The following WDHD1 variants were observed in gnomAD, a reference collection of about 807,000 sequenced individuals.
WDHD1 encodes WD repeat and HMG-box DNA-binding protein 1.
In WDHD1, 111 loss-of-function variants were observed where a neutral mutation model predicts 135.4. That is an observed-to-expected ratio of 0.82 (90% CI 0.70 to 0.96). The LOEUF is 0.96. Ranked by LOEUF, WDHD1 falls within the 40% of genes least tolerant of loss-of-function variation. The pLI is 0.00. For synonymous variants in WDHD1, 434 were observed against 439.0 expected, an observed-to-expected ratio of 0.99 and a Z score of 0.14; for missense variants, 1,351 against 1,336.3, an observed-to-expected ratio of 1.01 and a Z score of -0.17.
intron 4 of WDHD1, among the ~76,000 whole-genome samples, chr14:55,009,869 G>A (rs1402874982): frequency 6.6e-6 from 1 of 151,798 alleles, no homozygotes; most frequent in African/African-American, 2.4e-5. Flanking sequence ...CGCCTAGGCT[G>A]GAATGCAGTG....
chr14:54,983,690 A>G (rs1190618721), intron 15 of WDHD1, among the ~76,000 whole-genome samples: 1 of 151,828 alleles, frequency 6.6e-6, no homozygotes, highest in Non-Finnish European at 1.5e-5. Context: ...TAAAAAAAAA[A>G]AAATTTTAAA....
At chr14:54,993,896 C>G (rs932338358) in intron 11 of WDHD1, among the ~76,000 whole-genome samples, 1 of 152,172 alleles carries the variant, frequency 6.6e-6, no homozygotes, top group African/African-American at 2.4e-5. Flanking sequence ...AATAAATGCT[C>G]TCGGAAGGGT....
At chr14:54,969,147 T>G (rs1251180198) in intron 16 of WDHD1, among the ~76,000 whole-genome samples, 1 of 152,082 alleles carries the variant, frequency 6.6e-6, no homozygotes, top group Non-Finnish European at 1.5e-5. Flanking sequence ...CACGCAATTC[T>G]CCTGCCTCAG....
chr14:54,973,592 G>A (rs979178066), intron 16 of WDHD1, among the ~76,000 whole-genome samples: 3 of 152,036 alleles, frequency 2.0e-5, no homozygotes, highest in African/African-American at 7.2e-5. Flanking sequence ...GAATCTTGTG[G>A]CAATTCTGTC....
intron 15 of WDHD1, 74 bp from the exon 16 acceptor site, chr14:54,981,770 T>C: frequency 1.1e-6 from 1 of 906,442 alleles, no homozygotes; most frequent in South Asian, 1.7e-5. Flanking sequence ...AAATATATTA[T>C]ACATACCAAG....
At chr14:54,974,594 G>A (rs1265683867) in intron 16 of WDHD1, among the ~76,000 whole-genome samples, 5 of 151,656 alleles carry the variant, frequency 3.3e-5, no homozygotes, top group African/African-American at 4.8e-5. Flanking sequence ...TGGGAGCCAA[G>A]GCCGGCAGAT....
intron 10 of WDHD1, among the ~76,000 whole-genome samples, chr14:54,996,417 G>C (rs1469835560): frequency 6.6e-6 from 1 of 152,086 alleles, no homozygotes; most frequent in Non-Finnish European, 1.5e-5. Flanking sequence ...AGACCAGCCT[G>C]GACAACATGA....
intron 21 of WDHD1, among the ~76,000 whole-genome samples, chr14:54,959,195 C>G (rs8011446): frequency 0.29 from 43,737 of 151,774 alleles, 6,376 homozygotes; most frequent in South Asian, 0.32. Context: ...TAGGGAGACC[C>G]TGTCTCTACA....
Position 54,939,841 on chromosome 14 carries a change from T to G in WDHD1, c.*1649A>C, listed in dbSNP as rs1304327089. The G allele has an allele frequency of 6.6e-6, 1 of 152,198 alleles. No homozygotes were observed. Among genetic ancestry groups the G allele is most frequent in the African/African-American group, 2.4e-5 (1 of 41,450 alleles). 9.4% of individuals were successfully genotyped at this position (152,198 alleles called of 1,614,324 possible). On this transcript the variant is annotated 3_prime_UTR_variant, in exon 26 of 26. Transcript: ENST00000360586. ...AGGTTGGCACAAAAGAAATCGCGGT[T>G]TTTGCCACTGAAATGGCGAAACTGC...
chr14:54,972,042 G>A (rs925811847), intron 16 of WDHD1, among the ~76,000 whole-genome samples: 44 of 151,570 alleles, frequency 2.9e-4, no homozygotes, highest in Non-Finnish European at 1.5e-4. Flanking sequence ...GGAGGCCGAG[G>A]CGGGTGGATC....
chr14:55,026,382 A>T (rs2042441649), intron 2 of WDHD1, among the ~76,000 whole-genome samples: 1 of 152,212 alleles, frequency 6.6e-6, no homozygotes, highest in Non-Finnish European at 1.5e-5. Context: ...TATCATTCCA[A>T]ACAGAACAGG....
chr14:55,011,485 T>C (rs1356149967), intron 3 of WDHD1, among the ~76,000 whole-genome samples: 2 of 128,632 alleles, frequency 1.6e-5, no homozygotes, highest in South Asian at 2.6e-4. Flanking sequence ...GACTGCGCCA[T>C]TGCACTCCAG....
chr14:54,959,533 C>T (rs2041215357), intron 21 of WDHD1, among the ~76,000 whole-genome samples: 1 of 152,024 alleles, frequency 6.6e-6, no homozygotes, highest in African/African-American at 2.4e-5. Context: ...GAGGCTAAGG[C>T]AGGAGGGTCA....
In WDHD1 at chr14:54,939,838, G is replaced by A. The variant is rs1440877941; in HGVS notation, c.*1652C>T. ...ATTAGGTTGGCACAAAAGAAATCGCGGTTTTTGCCACTGAAATGGCGAAAC... is the reference window on the plus strand; with the variant it reads ...ATTAGGTTGGCACAAAAGAAATCGCAGTTTTTGCCACTGAAATGGCGAAAC... On this transcript the variant is annotated 3_prime_UTR_variant, in exon 26 of 26. Coordinates refer to ENST00000360586, the MANE Select transcript of WDHD1 (RefSeq NM_007086.4). 3 of 152,048 alleles carry A rather than the reference G, an allele frequency of 2.0e-5. No homozygotes were observed. Among genetic ancestry groups the A allele is most frequent in the Non-Finnish European group, 1.5e-5 (1 of 68,014 alleles). The allele number at this position is 152,048 out of a possible 1,614,324, so 9.4% of individuals were successfully genotyped here.
chr14:54,973,364 C>A (rs1219764288), intron 16 of WDHD1, among the ~76,000 whole-genome samples: 1 of 152,136 alleles, frequency 6.6e-6, no homozygotes, highest in African/African-American at 2.4e-5. Context: ...GTCTAGTATT[C>A]TTTTTCAAAC....
At chr14:54,963,735 G>A (rs951839874) in intron 18 of WDHD1, among the ~76,000 whole-genome samples, 2 of 150,144 alleles carry the variant, frequency 1.3e-5, no homozygotes, top group African/African-American at 4.9e-5. Flanking sequence ...GGGAGGTGGA[G>A]GTTGCAGTGA....
At chr14:54,991,063 A>G in intron 12 of WDHD1, 150 bp downstream of exon 12, 1 of 516,896 alleles carries the variant, frequency 1.9e-6, no homozygotes, top group Non-Finnish European at 3.5e-6. Context: ...TAACCATAAA[A>G]TAAACCAACC....
At chr14:54,983,024 C>T (rs752356810) in intron 15 of WDHD1, among the ~76,000 whole-genome samples, 31 of 151,842 alleles carry the variant, frequency 2.0e-4, no homozygotes, top group Non-Finnish European at 4.3e-4. Context: ...ATTAGCCAGG[C>T]GTGGTGGTAT....
chr14:54,941,965 T>C (rs2040845641), intron 25 of WDHD1, among the ~76,000 whole-genome samples: 1 of 152,088 alleles, frequency 6.6e-6, no homozygotes, highest in Admixed American at 6.6e-5. Flanking sequence ...AAAATGAAAC[T>C]TTTGGCCAGG....
Sources: gnomAD v4.1 joint callset for allele counts (sites outside exome capture counted in the v4.1 genomes callset) on GRCh38, gnomAD v4.1.1 for gene constraint, MANE v1.5 for transcripts, NCBI Gene and HGNC (gene_info 2026-07-23, HGNC 2026-07-21) for gene names.